The following WNK1 variants were observed in gnomAD, a reference collection of about 807,000 sequenced individuals.
The protein encoded by WNK1 is serine/threonine-protein kinase WNK1.
A neutral mutation model predicts 222.8 loss-of-function variants in WNK1; 38 were observed. That is an observed-to-expected ratio of 0.17 (90% CI 0.13 to 0.22). The LOEUF (loss-of-function observed/expected upper bound fraction) is 0.22, where lower values mean the gene tolerates loss of function less well. Ranked by LOEUF, WNK1 falls within the 10% of genes least tolerant of loss-of-function variation. The pLI, the probability that WNK1 is intolerant of heterozygous loss-of-function variation, is 1.00. For missense variants in WNK1, 2,348 were observed against 2,918.4 expected (o/e 0.80, Z 4.50); for synonymous variants, 1,090 against 1,092.9 (o/e 1.00, Z 0.05).
At position 861,087 on chromosome 12, in the gene WNK1, T is replaced by G. The variant is rs1951184144; in HGVS notation, c.1695T>G (p.Ile565Met). 6.2e-7 allele frequency: 1 copy of G among 1,613,688 alleles called. No homozygotes were observed. Among genetic ancestry groups the G allele is most frequent in the African/African-American group, 1.3e-5 (1 of 74,848 alleles). ...CTATCAAAGACAGAGTATCATTAAT[T>G]AAGAGGAAACGAGAGCAGCGGCAGT... ...AKAIKDRVSLIKRKREQRQLV... is the reference protein window; with the variant it reads ...AKAIKDRVSLMKRKREQRQLV... Residue 565 changes from isoleucine (I) to methionine (M), a missense_variant, in exon 7 of 28, where the codon ATT (isoleucine) becomes ATG (methionine). By Grantham distance (10) the Ile-to-Met change is conservative (BLOSUM62 1). This residue lies in a region of WNK1 where 103 missense variants were observed against 111.5 expected (regional missense o/e 0.92). Transcript: ENST00000315939.
chr12:813,507 CATTT>C, intron 1 of WNK1, 131 bp from the exon 2 acceptor site: 1 of 876,272 alleles, frequency 1.1e-6, no homozygotes. Context: ...CCAAATCTAT[CATTT>C]ATAACTTCAG....
intron 12 of WNK1, 60 bp downstream of exon 12, chr12:881,059 A>G: frequency 4.4e-6 from 7 of 1,603,410 alleles, no homozygotes; most frequent in Non-Finnish European, 5.1e-6. Context: ...GACAACAATG[A>G]TAAAGGAGAA....
At chr12:876,800 T>C (rs918206757) in intron 9 of WNK1, among the ~76,000 whole-genome samples, 1 of 152,128 alleles carries the variant, frequency 6.6e-6, no homozygotes, top group African/African-American at 2.4e-5. Flanking sequence ...AGGAAAGGCA[T>C]GTTTTTGTTT....
intron 4 of WNK1, 58 bp from the exon 5 acceptor site, chr12:857,102 TA>T: frequency 2.5e-6 from 4 of 1,568,838 alleles, no homozygotes; most frequent in Non-Finnish European, 3.5e-6. Flanking sequence ...ATTGGAAATT[TA>T]AAAAACAAAG....
Position 879,862 on chromosome 12 carries a change from T to C in WNK1, c.2663T>C (p.Val888Ala), listed in dbSNP as rs747428198. 1.9e-6 allele frequency: 3 copies of C among 1,613,946 alleles called. No individual in the cohort carries two copies. In the African/African-American group the frequency reaches 4.0e-5, roughly 22 times the overall value. The change falls in exon 11 of 28, where the codon GTA (valine) becomes GCA (alanine). Residue 888 changes from valine to alanine, a missense_variant. Physicochemically the swap from Val to Ala is moderately conservative, Grantham distance 64. Around this residue, in one of 13 missense-constraint regions of WNK1, gnomAD observed 547 missense variants for 558.3 expected, o/e 0.98. Coordinates refer to ENST00000315939, the MANE Select transcript of WNK1 (RefSeq NM_018979.4). ...SSATTAAIPG[V>A]STVVPSQLPT... ...GCTACAACAGCTGCGATCCCGGGGG[T>C]ATCAACTGTGGTTCCTAGTCAGCTT...
rs901884104 is a variant in WNK1, at chr12:761,654, A to G, written c.759+7330A>G. On this transcript the variant is annotated intron_variant, in intron 1 of 27. Coordinates refer to ENST00000315939, the MANE Select transcript of WNK1 (RefSeq NM_018979.4). ...AGTGAATCAAATGATTAATGTGCAC[A>G]TTCTCTGTTACTAGATAGAGATTAA... is the stretch of plus-strand genomic sequence containing the variant. 6.1e-5 allele frequency among the ~76,000 whole-genome samples: 9 copies of G among 147,950 alleles called. 2 individuals carry two copies. The highest frequency in any genetic ancestry group is 1.9e-4 in the East Asian group (1 of 5,136).
chr12:864,311 G>A (rs1183003127), intron 8 of WNK1, among the ~76,000 whole-genome samples: 3 of 151,796 alleles, frequency 2.0e-5, no homozygotes, highest in Non-Finnish European at 4.4e-5. Context: ...CAGTTTCACC[G>A]TGTTGGCTAG....
At position 885,473 on chromosome 12, in the gene WNK1, G is replaced by A; in HGVS notation, c.4669G>A (p.Val1557Met). 1.9e-6 allele frequency: 3 copies of A among 1,614,012 alleles called. No homozygotes were observed. Among genetic ancestry groups the A allele is most frequent in the Non-Finnish European group, 2.5e-6 (3 of 1,180,036 alleles). Residue 1557 changes from valine (V) to methionine (M), a missense_variant, in exon 19 of 28, where the codon GTG (valine) becomes ATG (methionine). This residue lies in a region of WNK1 where 1,144 missense variants were observed against 1,273.6 expected (regional missense o/e 0.90). Transcript: ENST00000315939. ...TTCCTCTTCCTCTCCTGGAGCAGGA[G>A]TGTCTAGTTATATTTCTCAGCCTGG... is the stretch of plus-strand genomic sequence containing the variant. ...PSSSSSPGAG[V>M]SSYISQPGGL...
intron 1 of WNK1, among the ~76,000 whole-genome samples, chr12:803,367 A>G (rs1434905236): frequency 6.6e-6 from 1 of 152,266 alleles, no homozygotes; most frequent in African/African-American, 2.4e-5. Context: ...TCATTCATGA[A>G]TAAGTAATAT....
chr12:896,102 A>C lies in WNK1; in HGVS notation c.5615A>C (p.Glu1872Ala). Residue 1872 changes from glutamate (E) to alanine (A), a missense_variant, in exon 24 of 28, where the codon GAG becomes GCG. Glu to Ala is a moderately radical substitution (Grantham distance 107, BLOSUM62 -1). This residue lies in a region of WNK1 where 1,144 missense variants were observed against 1,273.6 expected (regional missense o/e 0.90). Transcript: ENST00000315939. ...GTTGCAGCAGACGGTGCCCAGAAAG[A>C]GGGTAAAAATAAGTCAGAAGATGCA... is the stretch of plus-strand genomic sequence containing the variant. ...VSVAADGAQK[E>A]GKNKSEDAKS... 6.2e-7 allele frequency: 1 copy of C among 1,614,184 alleles called. No individual in the cohort carries two copies. The highest frequency in any genetic ancestry group is 8.5e-7 in the Non-Finnish European group (1 of 1,180,028).
In WNK1 at chr12:784,472, A is replaced by G. The variant is rs116478968; in HGVS notation, c.760-29170A>G. On this transcript the variant is annotated intron_variant, in intron 1 of 27. Transcript: ENST00000315939. ...TGATTGTCTTATTTTATAATATGTT[A>G]GCATTTAATATGAATATTTTTGTTG... is the stretch of plus-strand genomic sequence containing the variant. Among the ~76,000 whole-genome samples, 244 of 152,270 alleles carry G rather than the reference A, an allele frequency of 1.6e-3. 3 individuals are homozygous for G. The highest frequency in any genetic ancestry group is 5.8e-3 in the African/African-American group (241 of 41,560).
Position 896,318 on chromosome 12 carries a change from G to C in WNK1, c.5831G>C (p.Gly1944Ala), listed in dbSNP as rs768625196. 1.2e-6 allele frequency: 2 copies of C among 1,614,190 alleles called. No homozygotes were observed. The highest frequency in any genetic ancestry group is 1.7e-6 in the Non-Finnish European group (2 of 1,180,034). The change falls in exon 24 of 28, where the codon GGA becomes GCA. Residue 1944 changes from glycine to alanine, a missense_variant. This residue lies in a region of WNK1 where 1,144 missense variants were observed against 1,273.6 expected (regional missense o/e 0.90). Transcript: ENST00000315939. The stretch of plus-strand genomic sequence containing the variant: ...GACACTGGGCAGCCTACCAAGGTTG[G>C]ACGTTTTCAGGTGACAACTACAGCA... The part of the protein sequence containing the change: ...KSDTGQPTKV[G>A]RFQVTTTANK...
Position 885,428 on chromosome 12 carries a change from T to G in WNK1, c.4624T>G (p.Phe1542Val). Residue 1542 changes from phenylalanine (F) to valine (V), a missense_variant, in exon 19 of 28, where the codon TTC (phenylalanine) becomes GTC (valine). Transcript: ENST00000315939. The part of the protein sequence containing the change: ...TSHSSTTGLA[F>V]SLSAPSSSSS... ...TCATAGCAGTACAACTGGATTGGCT[T>G]TCTCCCTCTCTGCACCATCTTCCTC... is the stretch of plus-strand genomic sequence containing the variant. The G allele has an allele frequency of 6.2e-7, 1 of 1,613,760 alleles. No homozygotes were observed. The highest frequency in any genetic ancestry group is 8.5e-7 in the Non-Finnish European group (1 of 1,180,034).
chr12:755,074 G>A (rs1333050445), intron 1 of WNK1, among the ~76,000 whole-genome samples: 2 of 152,138 alleles, frequency 1.3e-5, no homozygotes, highest in East Asian at 3.8e-4. Flanking sequence ...CGAAGGAGTC[G>A]CAGCACTTCC....
At chr12:760,131 C>G (rs1940813226) in intron 1 of WNK1, among the ~76,000 whole-genome samples, 1 of 147,998 alleles carries the variant, frequency 6.8e-6, no homozygotes, top group African/African-American at 2.4e-5. Flanking sequence ...AATTTTGTGA[C>G]CCATCACCCA....
rs957366269 is a variant in WNK1, at chr12:909,981, A to T, written c.*1189A>T. Reference sequence around the variant, plus strand: ...GTGTTGTAACAAAATTGGACAACTTAAAAGAATGGTGTGTGCTGGGTGAAA... The same window carrying T: ...GTGTTGTAACAAAATTGGACAACTTTAAAGAATGGTGTGTGCTGGGTGAAA... On this transcript the variant is annotated 3_prime_UTR_variant, in exon 28 of 28. Transcript: ENST00000315939. 1.3e-5 allele frequency: 2 copies of T among 152,216 alleles called. No homozygotes were observed. Among genetic ancestry groups the T allele is most frequent in the African/African-American group, 4.8e-5 (2 of 41,436 alleles). The allele number at this position is 152,216 out of a possible 1,614,324, so 9.4% of individuals were successfully genotyped here.
chr12:820,255 T>A (rs1441179552), intron 2 of WNK1, among the ~76,000 whole-genome samples: 1 of 152,158 alleles, frequency 6.6e-6, no homozygotes, highest in East Asian at 1.9e-4. Flanking sequence ...GTTTTGTAGT[T>A]TCATTATACA....
chr12:906,329 C>G (rs1316100230), intron 26 of WNK1: 1 of 985,246 alleles, frequency 1.0e-6, no homozygotes, highest in East Asian at 1.1e-4. Flanking sequence ...TGCCCTCCAG[C>G]AGAGCCGAAA....
At chr12:862,581 G>C (rs545372032) in intron 8 of WNK1, among the ~76,000 whole-genome samples, 22 of 152,328 alleles carry the variant, frequency 1.4e-4, no homozygotes, top group African/African-American at 5.1e-4. Context: ...CAAATGTTTT[G>C]CGGGTGGGGC....
Sources: gnomAD v4.1 joint callset for allele counts (sites outside exome capture counted in the v4.1 genomes callset) on GRCh38, gnomAD v4.1.1 for gene constraint, gnomAD v4.1.1 regional missense constraint, MANE v1.5 for transcripts, NCBI Gene and HGNC (gene_info 2026-07-23, HGNC 2026-07-21) for gene names.